The following LMBRD1 variants were observed in gnomAD, a reference collection of about 807,000 sequenced individuals.
The protein encoded by LMBRD1 is lysosomal cobalamin transport escort protein LMBD1.
Under a neutral mutation model 74.8 loss-of-function variants are expected in LMBRD1, and 64 were observed. The ratio of observed to expected loss-of-function variants is 0.86; its 90% CI spans 0.70 to 1.05. The LOEUF is 1.05. Among genes scored for constraint, LMBRD1 ranks in the 50% least tolerant of loss-of-function variants. LMBRD1 has a pLI of 0.00. For missense variants in LMBRD1, 652 were observed against 645.9 expected (o/e 1.01, Z -0.10); for synonymous variants, 204 against 216.3 (o/e 0.94, Z 0.50).
intron 14 of LMBRD1, among the ~76,000 whole-genome samples, chr6:69,693,650 T>G (rs1765934748): frequency 6.6e-6 from 1 of 152,062 alleles, no homozygotes; most frequent in Admixed American, 6.5e-5. Flanking sequence ...TTTATTATAG[T>G]ATCATTTAGT....
chr6:69,710,557 C>T (rs955881815), intron 9 of LMBRD1, among the ~76,000 whole-genome samples: 3 of 151,994 alleles, frequency 2.0e-5, no homozygotes, highest in East Asian at 1.9e-4. Flanking sequence ...AAACTTGCCA[C>T]GAACTAGGAG....
At chr6:69,741,132 G>C (rs186901320) in intron 6 of LMBRD1, among the ~76,000 whole-genome samples, 54 of 151,938 alleles carry the variant, frequency 3.6e-4, no homozygotes, top group African/African-American at 1.2e-3. Flanking sequence ...AATATATCCA[G>C]TACATTTCTT....
intron 2 of LMBRD1, among the ~76,000 whole-genome samples, chr6:69,786,722 A>C (rs572026502): frequency 6.6e-6 from 1 of 152,214 alleles, no homozygotes; most frequent in Non-Finnish European, 1.5e-5. Context: ...AGGCATTATA[A>C]TATACCCCTG....
At chr6:69,685,982 T>C (rs1765755563) in intron 14 of LMBRD1, among the ~76,000 whole-genome samples, 1 of 152,042 alleles carries the variant, frequency 6.6e-6, no homozygotes, top group Non-Finnish European at 1.5e-5. Context: ...TAAGGGTCAT[T>C]ATGGCAAACA....
chr6:69,734,243 T>C (rs903949483), intron 7 of LMBRD1, among the ~76,000 whole-genome samples: 2 of 152,198 alleles, frequency 1.3e-5, no homozygotes, highest in Non-Finnish European at 2.9e-5. Flanking sequence ...CTTCTATGTG[T>C]TCCTGGTTCC....
In LMBRD1 at chr6:69,675,851, G is replaced by A. The variant is rs1765533190; in HGVS notation, c.*307C>T. The A allele has an allele frequency of 6.6e-6, 2 of 301,406 alleles. No homozygotes were observed. The highest frequency in any genetic ancestry group is 7.6e-5 in the East Asian group (1 of 13,104). The allele number at this position is 301,406 out of a possible 1,614,324, so 18.7% of individuals were successfully genotyped here. ...TTATGTTTTCAAAAAGTGACAAAAG[G>A]GAATATTAATTCTGGAAGATTTTTA... On this transcript the variant is annotated 3_prime_UTR_variant, in exon 16 of 16. Coordinates refer to ENST00000649934, the MANE Select transcript of LMBRD1 (RefSeq NM_018368.4).
At chr6:69,790,200 T>C in intron 2 of LMBRD1, 96 bp downstream of exon 2, 1 of 821,254 alleles carries the variant, frequency 1.2e-6, no homozygotes. Flanking sequence ...TCTCATTCAT[T>C]CCCAGATACA....
intron 1 of LMBRD1, chr6:69,790,772 C>G (rs1043905991): frequency 2.6e-6 from 1 of 378,110 alleles, no homozygotes; most frequent in Admixed American, 4.1e-5. Flanking sequence ...ACAGTTATAA[C>G]TAGCTTTGAA....
chr6:69,705,772 C>T (rs907359172), intron 9 of LMBRD1: 3 of 1,191,648 alleles, frequency 2.5e-6, no homozygotes, highest in Non-Finnish European at 3.7e-6. Context: ...TTCACATCCT[C>T]CTCCTCTTCA....
rs964971382 is a variant in LMBRD1 at position 69,695,540 on chromosome 6, A to G, written c.1417+2023T>C. Among the ~76,000 whole-genome samples the G allele has an allele frequency of 9.2e-5, 14 of 152,342 alleles. No individual in the cohort carries two copies. In the East Asian group the frequency reaches 2.5e-3, roughly 27 times the overall value. On this transcript the variant is annotated intron_variant, in intron 14 of 15. Transcript: ENST00000649934. ...GTCCCTTACATAAAATGATGTACTT[A>G]TACACATCATCCCACATCTTTTAAA...
chr6:69,674,495 G>T lies in LMBRD1; in HGVS notation c.*1663C>A, dbSNP rs561261007. ...TTGTTTAGGCAATCAAGTGTCTGCG[G>T]TGCCATTTGTCAAAAAAATGAATGC... On this transcript the variant is annotated 3_prime_UTR_variant, in exon 16 of 16. Coordinates refer to ENST00000649934, the MANE Select transcript of LMBRD1 (RefSeq NM_018368.4). 9.8e-5 allele frequency among the ~76,000 whole-genome samples: 15 copies of T among 152,302 alleles called. No individual in the cohort carries two copies. The highest frequency in any genetic ancestry group is 3.6e-4 in the African/African-American group (15 of 41,562).
At chr6:69,679,557 TAATTA>T (rs1287686661) in intron 14 of LMBRD1, among the ~76,000 whole-genome samples, 2 of 152,164 alleles carry the variant, frequency 1.3e-5, no homozygotes, top group African/African-American at 4.8e-5. Flanking sequence ...AAATTTATAT[TAATTA>T]AATAGCCCAT....
intron 5 of LMBRD1, 136 bp downstream of exon 5, chr6:69,749,205 G>A: frequency 1.4e-6 from 1 of 700,646 alleles, no homozygotes; most frequent in South Asian, 1.8e-5. Context: ...ATTGTTCCTT[G>A]GAGATTTAGA....
chr6:69,744,438 A>T (rs756840389), intron 5 of LMBRD1, among the ~76,000 whole-genome samples: 2 of 152,236 alleles, frequency 1.3e-5, no homozygotes, highest in African/African-American at 4.8e-5. Flanking sequence ...TAGTAAGATT[A>T]TACTTTTCCC....
intron 3 of LMBRD1, among the ~76,000 whole-genome samples, chr6:69,753,402 T>C (rs911349054): frequency 1.3e-5 from 2 of 152,144 alleles, no homozygotes; most frequent in African/African-American, 4.8e-5. Context: ...CTCAGACCCA[T>C]TAGGATGGCT....
intron 9 of LMBRD1, chr6:69,705,270 T>C (rs1242668697): frequency 2.0e-5 from 14 of 717,746 alleles, no homozygotes; most frequent in Non-Finnish European, 2.8e-5. Flanking sequence ...TTTTAACAAA[T>C]TGTTTAAACT....
chr6:69,741,772 A>T lies in LMBRD1; in HGVS notation c.562+17T>A, dbSNP rs1207624758. ...GAAATATAAACTACTATGTTTTTTA[A>T]AAAAAACAATACTTACGACTACTTC... On this transcript the variant is annotated intron_variant, in intron 6 of 15. Transcript: ENST00000649934. The T allele has an allele frequency of 1.4e-6, 2 of 1,439,874 alleles. No homozygotes were observed. Among genetic ancestry groups the T allele is most frequent in the Non-Finnish European group, 2.0e-6 (2 of 1,022,720 alleles). The allele number at this position is 1,439,874 out of a possible 1,614,324, so 89.2% of individuals were successfully genotyped here. A position where few individuals can be genotyped will look rare whatever the true frequency, so the allele number is the denominator to read the frequency against.
intron 14 of LMBRD1, among the ~76,000 whole-genome samples, chr6:69,693,271 G>C (rs906471766): frequency 2.6e-5 from 4 of 151,866 alleles, no homozygotes. Flanking sequence ...TTCTTTAATG[G>C]ATTATTTTAA....
intron 7 of LMBRD1, among the ~76,000 whole-genome samples, chr6:69,726,530 G>C (rs1015373250): frequency 1.3e-5 from 2 of 152,188 alleles, no homozygotes; most frequent in African/African-American, 4.8e-5. Flanking sequence ...TATATACAAT[G>C]GAGTACTATT....
Sources: gnomAD v4.1 joint callset for allele counts (sites outside exome capture counted in the v4.1 genomes callset) on GRCh38, gnomAD v4.1.1 for gene constraint, MANE v1.5 for transcripts, NCBI Gene and HGNC (gene_info 2026-07-23, HGNC 2026-07-21) for gene names.